The following CACNB2 variants were observed in gnomAD, a reference collection of about 807,000 sequenced individuals.
CACNB2 encodes calcium voltage-gated channel auxiliary subunit beta 2.
CACNB2 carries 42 observed loss-of-function variants against 73.3 expected under a neutral mutation model. The ratio of observed to expected loss-of-function variants is 0.57; its 90% CI spans 0.45 to 0.74. The LOEUF (loss-of-function observed/expected upper bound fraction) is 0.74, where lower values mean the gene tolerates loss of function less well. Among genes scored for constraint, CACNB2 ranks in the 30% least tolerant of loss-of-function variants. CACNB2 has a pLI of 0.00. For synonymous variants in CACNB2, 348 were observed against 310.3 expected, an observed-to-expected ratio of 1.12 and a Z score of -1.28; for missense variants, 940 against 853.0, an observed-to-expected ratio of 1.10 and a Z score of -1.27.
intron 3 of CACNB2, among the ~76,000 whole-genome samples, chr10:18,454,194 T>C (rs1272583095): frequency 1.3e-5 from 2 of 152,162 alleles, no homozygotes; most frequent in Non-Finnish European, 2.9e-5. Context: ...CTTAGGAACA[T>C]TCAGGGGAAG....
Position 18,527,590 on chromosome 10 carries a change from T to C in CACNB2, c.947T>C (p.Ile316Thr), listed in dbSNP as rs779563647. The C allele has an allele frequency of 6.8e-6, 11 of 1,610,112 alleles. No individual in the cohort carries two copies. The highest frequency in any genetic ancestry group is 9.4e-6 in the Non-Finnish European group (11 of 1,176,386). The change falls in exon 10 of 14, where the codon ATA (isoleucine) becomes ACA (threonine). Residue 316 changes from isoleucine (I) to threonine (T), a missense_variant and splice_region_variant. Ile to Thr is a moderately conservative substitution (Grantham distance 89, BLOSUM62 -1). Coordinates refer to ENST00000324631, the MANE Select transcript of CACNB2 (RefSeq NM_201596.3). ...DFLKHRFEGR[I>T]SITRVTADIS... ...TCTGTGACTTTTTCCTCCAACAGGATATCCATCACAAGGGTCACCGCTGAC... is the reference window on the plus strand; with the variant it reads ...TCTGTGACTTTTTCCTCCAACAGGACATCCATCACAAGGGTCACCGCTGAC...
chr10:18,302,512 A>G (rs967405385), intron 2 of CACNB2, among the ~76,000 whole-genome samples: 2 of 152,254 alleles, frequency 1.3e-5, no homozygotes, highest in African/African-American at 4.8e-5. Context: ...AATACTACTC[A>G]GACATAAAAA....
intron 2 of CACNB2, among the ~76,000 whole-genome samples, chr10:18,349,585 G>T (rs949650792): frequency 6.6e-6 from 1 of 152,032 alleles, no homozygotes; most frequent in South Asian, 2.1e-4. Context: ...GACACAAGGA[G>T]ACAAATACAG....
At chr10:18,266,784 G>A (rs2037823797) in intron 2 of CACNB2, among the ~76,000 whole-genome samples, 2 of 152,182 alleles carry the variant, frequency 1.3e-5, no homozygotes, top group Non-Finnish European at 2.9e-5. Context: ...CAGCTACTCG[G>A]GAGGCTGAGG....
chr10:18,224,460 C>G (rs1588752644), intron 2 of CACNB2: 1 of 152,130 alleles, frequency 6.6e-6, no homozygotes, highest in East Asian at 1.9e-4. Context: ...AATTACCCGG[C>G]TCCTTAAAGT....
intron 2 of CACNB2, among the ~76,000 whole-genome samples, chr10:18,375,487 A>G (rs2042759386): frequency 6.6e-6 from 1 of 152,194 alleles, no homozygotes; most frequent in South Asian, 2.1e-4. Flanking sequence ...AACTAGAAAA[A>G]GTAGCTTTTA....
chr10:18,147,055 G>T (rs1193359663), intron 1 of CACNB2, among the ~76,000 whole-genome samples: 1 of 152,204 alleles, frequency 6.6e-6, no homozygotes, highest in Non-Finnish European at 1.5e-5. Context: ...AACTTTGAGT[G>T]CACGGCTAAA....
At chr10:18,499,637 A>AAAAT in intron 4 of CACNB2, among the ~76,000 whole-genome samples, 1 of 92,600 alleles carries the variant, frequency 1.1e-5, no homozygotes, top group South Asian at 3.0e-4. Flanking sequence ...AAAAAAAAAA[A>AAAAT]AAGAACCTAG....
At chr10:18,316,456 C>G (rs5783593) in intron 2 of CACNB2, among the ~76,000 whole-genome samples, 1 of 107,158 alleles carries the variant, frequency 9.3e-6, no homozygotes, top group African/African-American at 3.8e-5. Context: ...TTCTTTTTTT[C>G]TTCCCCCCTC....
chr10:18,214,116 T>G (rs1392778496), intron 2 of CACNB2, among the ~76,000 whole-genome samples: 1 of 152,110 alleles, frequency 6.6e-6, no homozygotes, highest in Non-Finnish European at 1.5e-5. Flanking sequence ...GGGGGCAGTG[T>G]GTGGGAAAGG....
intron 2 of CACNB2, among the ~76,000 whole-genome samples, chr10:18,228,468 A>G (rs1323721195): frequency 2.0e-5 from 3 of 151,526 alleles, no homozygotes; most frequent in Admixed American, 6.6e-5. Context: ...AAAAGAAAAG[A>G]AAAAACATAA....
At chr10:18,399,607 T>C (rs2043888276) in intron 2 of CACNB2, among the ~76,000 whole-genome samples, 1 of 152,102 alleles carries the variant, frequency 6.6e-6, no homozygotes, top group Non-Finnish European at 1.5e-5. Context: ...GGTCTCGAAC[T>C]CATGGGCTCA....
chr10:18,405,459 A>G (rs1181909899), intron 3 of CACNB2, among the ~76,000 whole-genome samples: 1 of 152,172 alleles, frequency 6.6e-6, no homozygotes, highest in Non-Finnish European at 1.5e-5. Flanking sequence ...ATTCCTGTAT[A>G]TATTTTTTTG....
At position 18,220,236 on chromosome 10, in the gene CACNB2, G is replaced by GAGTTGGGGGGAGAC. The variant is rs1564353981; in HGVS notation, c.213+69263_213+69264insTTGGGGGGAGACAG. On this transcript the variant is annotated intron_variant, in intron 2 of 13. Transcript: ENST00000324631. ...ATATATATATATATATATATATAGA[G>GAGTTGGGGGGAGAC]AGAGAGAGAGAGAGAGAGAGAGAGA... Among the ~76,000 whole-genome samples, 127 of 46,130 alleles carry GAGTTGGGGGGAGAC rather than the reference G, an allele frequency of 2.8e-3. 3 individuals are homozygous for GAGTTGGGGGGAGAC. The East Asian group carries it at 0.049, about 18-fold the overall frequency. 30.3% of individuals were successfully genotyped at this position (46,130 alleles called of 152,430 possible).
In CACNB2 at chr10:18,442,944, G is replaced by GTATATATATATACGTATA. The variant is rs2046503450; in HGVS notation, c.333+40913_333+40914insCGTATATATATATATATA. On this transcript the variant is annotated intron_variant, in intron 3 of 13. Coordinates refer to ENST00000324631, the MANE Select transcript of CACNB2 (RefSeq NM_201596.3). ...TATATATGTATATATATATATATGT[G>GTATATATATATACGTATA]TATATATATATATGTATATATATAT... Among the ~76,000 whole-genome samples the GTATATATATATACGTATA allele has an allele frequency of 3.6e-4, 7 of 19,646 alleles. 1 individual carries two copies. Among genetic ancestry groups the GTATATATATATACGTATA allele is most frequent in the Non-Finnish European group, 5.4e-4 (7 of 12,882 alleles). The allele number at this position is 19,646 out of a possible 152,430, so 12.9% of individuals were successfully genotyped here.
At chr10:18,181,674 G>A (rs1029812637) in intron 2 of CACNB2, 1 of 149,962 alleles carries the variant, frequency 6.7e-6, no homozygotes, top group Non-Finnish European at 1.5e-5. Context: ...GAGTGCAGTG[G>A]TTCAGTCATA....
intron 3 of CACNB2, among the ~76,000 whole-genome samples, chr10:18,482,965 C>T (rs2048863997): frequency 1.3e-5 from 2 of 152,208 alleles, no homozygotes; most frequent in Admixed American, 6.5e-5. Context: ...TTCAGCTCAT[C>T]TGTGCCTTCC....
chr10:18,368,828 C>G (rs137859149), intron 2 of CACNB2, among the ~76,000 whole-genome samples: 1,866 of 151,794 alleles, frequency 0.012, 17 homozygotes, highest in Middle Eastern at 0.024. Context: ...ACCATATGCT[C>G]TATAATGAAG....
chr10:18,189,487 G>A (rs1564329796), intron 2 of CACNB2, among the ~76,000 whole-genome samples: 1 of 152,026 alleles, frequency 6.6e-6, no homozygotes, highest in Non-Finnish European at 1.5e-5. Context: ...TTGTTCAGTA[G>A]CTTATTTTCC....
Sources: gnomAD v4.1 joint callset for allele counts (sites outside exome capture counted in the v4.1 genomes callset) on GRCh38, gnomAD v4.1.1 for gene constraint, MANE v1.5 for transcripts, NCBI Gene and HGNC (gene_info 2026-07-23, HGNC 2026-07-21) for gene names.